TMC1: variants seen among roughly 807,000 people sequenced by gnomAD.
TMC1 encodes the protein transmembrane channel-like protein 1.
In TMC1, 84 loss-of-function variants were observed where a neutral mutation model predicts 105.8. The observed-to-expected ratio is 0.79, with a 90% confidence interval of 0.67 to 0.95. The LOEUF (loss-of-function observed/expected upper bound fraction) is 0.95, where lower values mean the gene tolerates loss of function less well. TMC1 is among the 40% of genes least tolerant of loss of function. TMC1 has a pLI of 0.00. For synonymous variants in TMC1, 315 were observed against 311.5 expected (o/e 1.01, Z -0.12); for missense variants, 817 against 914.1 (o/e 0.89, Z 1.37).
chr9:72,783,301 G>A (rs548576471), intron 13 of TMC1, among the ~76,000 whole-genome samples: 23 of 152,284 alleles, frequency 1.5e-4, no homozygotes, highest in African/African-American at 5.5e-4. Flanking sequence ...CAGGGAAACC[G>A]ACAGTGTAGC....
At chr9:72,540,869 A>G (rs897590848) in intron 1 of TMC1, among the ~76,000 whole-genome samples, 2 of 152,184 alleles carry the variant, frequency 1.3e-5, no homozygotes, top group Non-Finnish European at 2.9e-5. Flanking sequence ...TTATACATAA[A>G]ATGGAGCTAC....
At chr9:72,730,661 C>T (rs994307011) in intron 8 of TMC1, among the ~76,000 whole-genome samples, 1 of 152,112 alleles carries the variant, frequency 6.6e-6, no homozygotes, top group African/African-American at 2.4e-5. Context: ...CAGGATGATT[C>T]AAGTGCATTA....
intron 5 of TMC1, among the ~76,000 whole-genome samples, chr9:72,660,682 C>G (rs1157719015): frequency 6.6e-6 from 1 of 152,260 alleles, no homozygotes; most frequent in East Asian, 1.9e-4. Flanking sequence ...AGACAAGGCT[C>G]TTCTTGCAAA....
chr9:72,799,423 A>T (rs1828431435), intron 17 of TMC1, among the ~76,000 whole-genome samples: 1 of 152,164 alleles, frequency 6.6e-6, no homozygotes, highest in Non-Finnish European at 1.5e-5. Context: ...CTTCAATCAG[A>T]TGCTCATCAA....
intron 5 of TMC1, among the ~76,000 whole-genome samples, chr9:72,650,027 G>T (rs540550946): frequency 1.3e-5 from 2 of 152,216 alleles, no homozygotes; most frequent in Admixed American, 1.3e-4. Context: ...CACATAGCAG[G>T]TATTTTAAAG....
At chr9:72,775,449 A>G (rs111589455) in intron 13 of TMC1, among the ~76,000 whole-genome samples, 8 of 152,346 alleles carry the variant, frequency 5.3e-5, no homozygotes, top group African/African-American at 1.9e-4. Context: ...ATATCATAAA[A>G]TAAAGGTGGC....
At position 72,792,264 on chromosome 9, in the gene TMC1, C is replaced by T. The variant is rs769847194; in HGVS notation, c.1478C>T (p.Ser493Leu). Reference protein sequence around the residue: ...EANMIKAYNASFSENSTGPPF... With the variant: ...EANMIKAYNALFSENSTGPPF... ...AATATGATCAAGGCCTACAATGCAT[C>T]ATTCTCTGAAAATAGCACTGGACCA... The change falls in exon 17 of 24, where the codon TCA (serine) becomes TTA (leucine). Residue 493 changes from serine (S) to leucine (L), a missense_variant. Ser to Leu is a moderately radical substitution (Grantham distance 145). Coordinates refer to ENST00000297784, the MANE Select transcript of TMC1 (RefSeq NM_138691.3). The T allele has an allele frequency of 2.5e-6, 4 of 1,614,150 alleles. No homozygotes were observed. Among genetic ancestry groups the T allele is most frequent in the South Asian group, 1.1e-5 (1 of 91,084 alleles).
intron 5 of TMC1, among the ~76,000 whole-genome samples, chr9:72,651,951 T>A (rs568861517): frequency 1.8e-4 from 28 of 152,122 alleles, no homozygotes; most frequent in Non-Finnish European, 3.5e-4. Flanking sequence ...TGTAACATTC[T>A]TATGCCTTTG....
At chr9:72,657,213 C>A (rs770277646) in intron 5 of TMC1, among the ~76,000 whole-genome samples, 7 of 152,196 alleles carry the variant, frequency 4.6e-5, no homozygotes, top group Non-Finnish European at 5.9e-5. Flanking sequence ...AGACCACAAG[C>A]CACTGTTTGG....
At chr9:72,641,482 G>A (rs765823988) in intron 4 of TMC1, among the ~76,000 whole-genome samples, 1 of 152,162 alleles carries the variant, frequency 6.6e-6, no homozygotes, top group South Asian at 2.1e-4. Flanking sequence ...GCTCAATAAT[G>A]GGTCTACAAA....
intron 1 of TMC1, among the ~76,000 whole-genome samples, chr9:72,533,975 A>G (rs1040045286): frequency 6.6e-6 from 1 of 152,050 alleles, no homozygotes; most frequent in Non-Finnish European, 1.5e-5. Context: ...TCTATTGCAA[A>G]TACAAAAATT....
chr9:72,754,634 T>G, intron 11 of TMC1, 152 bp from the exon 12 acceptor site: 1 of 683,840 alleles, frequency 1.5e-6, no homozygotes, highest in Admixed American at 2.1e-5. Context: ...GATTTAGTAG[T>G]CGATTCCCAG....
intron 18 of TMC1, among the ~76,000 whole-genome samples, chr9:72,805,899 G>T (rs894391861): frequency 3.3e-5 from 5 of 152,106 alleles, no homozygotes; most frequent in African/African-American, 4.8e-5. Context: ...GGCAGAAGAA[G>T]TTTTCTTAGT....
At chr9:72,718,695 T>A (rs1228281324) in intron 8 of TMC1, among the ~76,000 whole-genome samples, 1 of 152,012 alleles carries the variant, frequency 6.6e-6, no homozygotes, top group East Asian at 1.9e-4. Context: ...TGCCAGGAGG[T>A]GGCGCTTTCA....
At chr9:72,605,870 C>T (rs1000469277) in intron 2 of TMC1, among the ~76,000 whole-genome samples, 13 of 152,082 alleles carry the variant, frequency 8.5e-5, no homozygotes, top group Non-Finnish European at 1.8e-4. Context: ...GCCATTGCAC[C>T]CTGCCCCAGT....
At chr9:72,565,483 A>G (rs1297774189) in intron 1 of TMC1, among the ~76,000 whole-genome samples, 1 of 152,204 alleles carries the variant, frequency 6.6e-6, no homozygotes, top group African/African-American at 2.4e-5. Context: ...TGACTTGCAA[A>G]TTATGAGGCA....
chr9:72,588,006 C>T (rs13285503), intron 2 of TMC1, among the ~76,000 whole-genome samples: 10,911 of 152,014 alleles, frequency 0.072, 456 homozygotes, highest in Middle Eastern at 0.095. Context: ...CCAGGCTGGT[C>T]TCAAACTCCT....
intron 5 of TMC1, among the ~76,000 whole-genome samples, chr9:72,681,077 C>T (rs1358700303): frequency 2.0e-5 from 3 of 152,228 alleles, no homozygotes; most frequent in African/African-American, 7.2e-5. Flanking sequence ...GGTTATAATG[C>T]ACATTTGTAT....
chr9:72,684,055 G>A (rs568777976), intron 5 of TMC1, among the ~76,000 whole-genome samples: 2 of 151,916 alleles, frequency 1.3e-5, no homozygotes, highest in East Asian at 1.9e-4. Flanking sequence ...AGTCAGAGAA[G>A]CACAGCCCAG....
Sources: gnomAD v4.1 joint callset for allele counts (sites outside exome capture counted in the v4.1 genomes callset) on GRCh38, gnomAD v4.1.1 for gene constraint, MANE v1.5 for transcripts, NCBI Gene and HGNC (gene_info 2026-07-23, HGNC 2026-07-21) for gene names.